CCDC3: variants seen among roughly 807,000 people sequenced by gnomAD.
The protein encoded by CCDC3 is coiled-coil domain-containing protein 3.
A neutral mutation model predicts 21.4 loss-of-function variants in CCDC3; 24 were observed. That is an observed-to-expected ratio of 1.12 (90% CI 0.81 to 1.58). CCDC3 has a LOEUF of 1.58. CCDC3 is among the 40% of genes most tolerant of loss of function. The probability of loss-of-function intolerance (pLI) is 0.00; values close to 1 mark genes in which losing one functional copy is unlikely to be tolerated. For synonymous variants in CCDC3, 186 were observed against 166.0 expected (o/e 1.12, Z -0.93); for missense variants, 425 against 360.9 (o/e 1.18, Z -1.44).
chr10:13,034,525 TA>T (rs34324335), intron 5 of CCDC3, among the ~76,000 whole-genome samples: 54,459 of 142,606 alleles, frequency 0.38, 11,596 homozygotes, highest in Non-Finnish European at 0.5. Flanking sequence ...GCCTAGATCT[TA>T]AAAAAAAAAA....
chr10:12,967,264 G>T (rs1404463727), intron 2 of CCDC3, among the ~76,000 whole-genome samples: 2 of 152,154 alleles, frequency 1.3e-5, no homozygotes, highest in East Asian at 3.8e-4. Context: ...ACAGACATCA[G>T]CATAAGGTAA....
At chr10:12,965,749 G>C (rs1478956531) in intron 2 of CCDC3, among the ~76,000 whole-genome samples, 1 of 152,208 alleles carries the variant, frequency 6.6e-6, no homozygotes, top group South Asian at 2.1e-4. Context: ...GATGCCGGCA[G>C]TTTGGAATTT....
At chr10:12,943,808 T>A (rs547477766) in intron 2 of CCDC3, among the ~76,000 whole-genome samples, 2 of 152,112 alleles carry the variant, frequency 1.3e-5, no homozygotes, top group East Asian at 3.9e-4. Flanking sequence ...CCTCTCTCTC[T>A]GCAGGAAGAG....
chr10:13,046,605 G>A (rs1341847490), intron 5 of CCDC3, among the ~76,000 whole-genome samples: 1 of 151,824 alleles, frequency 6.6e-6, no homozygotes, highest in African/African-American at 2.4e-5. Flanking sequence ...TACTCAGGAG[G>A]CTGAGGCAGG....
chr10:13,010,297 C>G (rs1013469384), intron 5 of CCDC3, among the ~76,000 whole-genome samples: 5 of 151,660 alleles, frequency 3.3e-5, no homozygotes, highest in African/African-American at 1.2e-4. Context: ...ACAAACAACC[C>G]AATATAAAAA....
chr10:12,994,425 AC>A (rs1564313207), intron 2 of CCDC3, among the ~76,000 whole-genome samples: 1 of 151,388 alleles, frequency 6.6e-6, no homozygotes, highest in East Asian at 1.9e-4. Context: ...AAAAAAAAAA[AC>A]ACCCAGCACC....
At chr10:13,004,275 CACTAA>C (rs763983650), upstream of CCDC3, among the ~76,000 whole-genome samples, 474 of 69,216 alleles carry the variant, frequency 6.8e-3, 1 homozygote, top group Non-Finnish European at 0.013. Flanking sequence ...ATTAAGTCTT[CACTAA>C]ACTGTTACAT....
At chr10:13,096,422 C>T (rs1015352805) in intron 3 of CCDC3, among the ~76,000 whole-genome samples, 5 of 152,168 alleles carry the variant, frequency 3.3e-5, no homozygotes, top group Non-Finnish European at 5.9e-5. Context: ...TGACCTCAAA[C>T]GATCCTCCCA....
At chr10:13,093,535 C>A (rs1322755426) in intron 3 of CCDC3, among the ~76,000 whole-genome samples, 3 of 152,128 alleles carry the variant, frequency 2.0e-5, no homozygotes, top group Non-Finnish European at 4.4e-5. Flanking sequence ...AATTTGGCAT[C>A]TACTAAAATT....
At chr10:12,899,694 T>C (rs1834063743) in intron 2 of CCDC3, among the ~76,000 whole-genome samples, 1 of 152,164 alleles carries the variant, frequency 6.6e-6, no homozygotes, top group African/African-American at 2.4e-5. Context: ...TGCAGAACAG[T>C]GTGTATAGTG....
At chr10:13,002,348 G>T (rs1835869886), upstream of CCDC3, among the ~76,000 whole-genome samples, 1 of 152,108 alleles carries the variant, frequency 6.6e-6, no homozygotes. Flanking sequence ...TGACTCCACA[G>T]TTCCATCTTT....
At chr10:12,911,413 TG>T (rs1228785415) in intron 2 of CCDC3, among the ~76,000 whole-genome samples, 2 of 152,226 alleles carry the variant, frequency 1.3e-5, no homozygotes, top group Admixed American at 6.5e-5. Context: ...TATACGCTAA[TG>T]TTTTTTTGAA....
chr10:12,981,205 G>C (rs1006111183), intron 2 of CCDC3, among the ~76,000 whole-genome samples: 3 of 121,280 alleles, frequency 2.5e-5, no homozygotes, highest in African/African-American at 1.0e-4. Flanking sequence ...TTTTTGAGAT[G>C]GATTCTCACA....
intron 5 of CCDC3, among the ~76,000 whole-genome samples, chr10:13,030,634 G>C (rs1836287242): frequency 2.0e-5 from 3 of 151,984 alleles, no homozygotes; most frequent in Admixed American, 6.6e-5. Flanking sequence ...TCAAGATAAA[G>C]GGATGGAGGA....
At chr10:12,914,392 C>G (rs1196201813) in intron 2 of CCDC3, among the ~76,000 whole-genome samples, 2 of 151,972 alleles carry the variant, frequency 1.3e-5, no homozygotes, top group African/African-American at 4.8e-5. Context: ...CTTTTTTAGT[C>G]ATTTGTATTT....
At chr10:13,040,687 TCACACACACACA>T (rs10653974) in intron 5 of CCDC3, among the ~76,000 whole-genome samples, 64 of 142,848 alleles carry the variant, frequency 4.5e-4, no homozygotes, top group African/African-American at 1.3e-3. Flanking sequence ...CAAAACTCTG[TCACACACACACA>T]CACACACACA....
chr10:13,014,471 GAAAAAA>G (rs58040998), intron 5 of CCDC3, among the ~76,000 whole-genome samples: 2 of 137,610 alleles, frequency 1.5e-5, no homozygotes, highest in Admixed American at 1.5e-4. Flanking sequence ...AAAAAAAAAA[GAAAAAA>G]AAAAGAAAAG....
chr10:13,076,920 T>A (rs1268001359), intron 3 of CCDC3, among the ~76,000 whole-genome samples: 2 of 151,992 alleles, frequency 1.3e-5, no homozygotes, highest in African/African-American at 2.4e-5. Context: ...GGGACAAAAA[T>A]TGCTTCCCAT....
chr10:12,902,320 C>A (rs1189532410), intron 2 of CCDC3, among the ~76,000 whole-genome samples: 1 of 152,146 alleles, frequency 6.6e-6, no homozygotes, highest in Non-Finnish European at 1.5e-5. Flanking sequence ...AAATGAGACC[C>A]CCTCAAAAAG....
Sources: gnomAD v4.1 joint callset for allele counts (sites outside exome capture counted in the v4.1 genomes callset) on GRCh38, gnomAD v4.1.1 for gene constraint, MANE v1.5 for transcripts, NCBI Gene and HGNC (gene_info 2026-07-23, HGNC 2026-07-21) for gene names.